PYY: variants seen among roughly 807,000 people sequenced by gnomAD.
PYY encodes peptide YY.
PYY carries 12 observed loss-of-function variants against 10.3 expected under a neutral mutation model. The ratio of observed to expected loss-of-function variants is 1.17; its 90% CI spans 0.75 to 1.89. The LOEUF is 1.89. Ranked by LOEUF, PYY falls within the 40% of genes most tolerant of loss-of-function variation. The pLI is 0.00. For synonymous variants in PYY, 66 were observed against 62.0 expected (o/e 1.06, Z -0.30); for missense variants, 141 against 134.0 (o/e 1.05, Z -0.26).
chr17:43,966,740 A>C (rs1251786356), intron 1 of PYY, among the ~76,000 whole-genome samples: 1 of 152,164 alleles, frequency 6.6e-6, no homozygotes, highest in Non-Finnish European at 1.5e-5. Flanking sequence ...TCTGACTACT[A>C]GAATGGAGGC....
chr17:43,988,613 C>T (rs1044947110), intron 1 of PYY, among the ~76,000 whole-genome samples: 5 of 152,142 alleles, frequency 3.3e-5, no homozygotes, highest in East Asian at 1.9e-4. Context: ...CCCCATGGAC[C>T]ATGGGCACCT....
intron 2 of PYY, among the ~76,000 whole-genome samples, chr17:43,964,989 T>A (rs2048744440): frequency 6.6e-6 from 1 of 152,198 alleles, no homozygotes; most frequent in African/African-American, 2.4e-5. Flanking sequence ...GACACAGATG[T>A]CATATAGAAG....
At chr17:43,993,836 T>C (rs1478526176) in intron 1 of PYY, among the ~76,000 whole-genome samples, 1 of 150,824 alleles carries the variant, frequency 6.6e-6, no homozygotes, top group Non-Finnish European at 1.5e-5. Flanking sequence ...CTTTTATTTT[T>C]TGAAATTATT....
chr17:43,959,858 C>T (rs564953331), intron 2 of PYY, among the ~76,000 whole-genome samples: 1 of 152,304 alleles, frequency 6.6e-6, no homozygotes, highest in African/African-American at 2.4e-5. Context: ...TCTCAAGAGG[C>T]CTGTGCTGCA....
intron 1 of PYY, among the ~76,000 whole-genome samples, chr17:43,973,228 A>T (rs921396031): frequency 2.0e-5 from 3 of 152,214 alleles, no homozygotes; most frequent in Admixed American, 6.5e-5. Context: ...TCACTTAAAG[A>T]TAAATTCCTG....
chr17:43,964,695 C>T (rs2048742274), intron 2 of PYY, among the ~76,000 whole-genome samples: 1 of 152,072 alleles, frequency 6.6e-6, no homozygotes, highest in Non-Finnish European at 1.5e-5. Context: ...CCCAGCTACT[C>T]AGGAGGCTGA....
At chr17:43,957,606 G>A (rs923688968), upstream of PYY, among the ~76,000 whole-genome samples, 2 of 152,186 alleles carry the variant, frequency 1.3e-5, no homozygotes, top group Non-Finnish European at 2.9e-5. Flanking sequence ...GCAGTGAGCC[G>A]AGATGGTGCC....
At chr17:43,955,974 C>T (rs530360014), upstream of PYY, among the ~76,000 whole-genome samples, 9 of 152,138 alleles carry the variant, frequency 5.9e-5, no homozygotes, top group African/African-American at 2.2e-4. Context: ...CGGCACTAAC[C>T]ATGGTGCTGG....
intron 2 of PYY, among the ~76,000 whole-genome samples, chr17:43,960,128 G>A (rs1461428949): frequency 6.6e-6 from 1 of 152,218 alleles, no homozygotes; most frequent in Non-Finnish European, 1.5e-5. Flanking sequence ...TATCATAGAT[G>A]TTTATTTCTC....
intron 1 of PYY, among the ~76,000 whole-genome samples, chr17:43,967,395 C>T (rs2048761907): frequency 6.6e-6 from 1 of 152,210 alleles, no homozygotes; most frequent in South Asian, 2.1e-4. Context: ...ATATCAGGGC[C>T]TGTCCACAGC....
At chr17:43,989,200 C>T (rs1328790133) in intron 1 of PYY, among the ~76,000 whole-genome samples, 2 of 152,034 alleles carry the variant, frequency 1.3e-5, no homozygotes, top group Non-Finnish European at 2.9e-5. Context: ...CGGTGAAACC[C>T]CGTCTCTGCT....
At chr17:43,982,790 G>C (rs574254937) in intron 1 of PYY, among the ~76,000 whole-genome samples, 1 of 152,144 alleles carries the variant, frequency 6.6e-6, no homozygotes, top group Non-Finnish European at 1.5e-5. Flanking sequence ...TGTGTTCAAC[G>C]GGCTGCTCCA....
At chr17:43,978,836 C>G (rs937630318) in intron 1 of PYY, among the ~76,000 whole-genome samples, 1 of 152,232 alleles carries the variant, frequency 6.6e-6, no homozygotes, top group African/African-American at 2.4e-5. Context: ...CCTCCCTGTG[C>G]TCCCAGCAGC....
chr17:43,954,887 T>G (rs1344039248), upstream of PYY, among the ~76,000 whole-genome samples: 1 of 152,228 alleles, frequency 6.6e-6, no homozygotes, highest in Non-Finnish European at 1.5e-5. Context: ...GTGCATAATT[T>G]CGGGCATCAC....
intron 1 of PYY, among the ~76,000 whole-genome samples, chr17:44,003,474 G>A (rs2049044707): frequency 6.6e-6 from 1 of 150,814 alleles, no homozygotes; most frequent in East Asian, 2.0e-4. Flanking sequence ...GGCCAACATG[G>A]TGAAACCCTG....
intron 2 of PYY, among the ~76,000 whole-genome samples, chr17:43,965,193 A>T (rs2048745797): frequency 1.3e-5 from 2 of 151,890 alleles, no homozygotes; most frequent in Admixed American, 1.3e-4. Context: ...TAAAAATTGT[A>T]TATATGGCCA....
chr17:43,968,609 C>G (rs2048769306), intron 1 of PYY, among the ~76,000 whole-genome samples: 1 of 152,042 alleles, frequency 6.6e-6, no homozygotes, highest in East Asian at 1.9e-4. Flanking sequence ...GTCAGGAGTT[C>G]GAGAGCAGCC....
At chr17:43,971,597 C>A (rs990102865) in intron 1 of PYY, among the ~76,000 whole-genome samples, 8 of 149,334 alleles carry the variant, frequency 5.4e-5, no homozygotes, top group African/African-American at 2.0e-4. Flanking sequence ...TTGCATCTTT[C>A]TGTTGTCTAA....
intron 1 of PYY, among the ~76,000 whole-genome samples, chr17:43,983,216 C>T (rs914532640): frequency 9.2e-5 from 14 of 152,036 alleles, no homozygotes; most frequent in Non-Finnish European, 1.5e-5. Flanking sequence ...TGGGTGACAG[C>T]GAGATGCTGT....
Sources: allele counts gnomAD v4.1 joint callset (sites outside exome capture counted in the v4.1 genomes callset), GRCh38; gene constraint gnomAD v4.1.1; transcripts MANE v1.5; gene names NCBI Gene and HGNC (gene_info 2026-07-23, HGNC 2026-07-21).